Variants in RARB observed in about 807,000 individuals in gnomAD.
RARB encodes the protein HBV-activated protein.
RARB carries 17 observed loss-of-function variants against 51.9 expected under a neutral mutation model. The observed-to-expected ratio is 0.33, with a 90% CI of 0.22 to 0.49. The LOEUF is 0.49. Ranked by LOEUF, RARB falls within the 20% of genes least tolerant of loss-of-function variation. The pLI, the probability that RARB is intolerant of heterozygous loss-of-function variation, is 0.99. For synonymous variants in RARB, 215 were observed against 195.4 expected (o/e 1.10, Z -0.84); for missense variants, 369 against 550.8 (o/e 0.67, Z 3.30).
intron 2 of RARB, among the ~76,000 whole-genome samples, chr3:25,005,913 T>A (rs1479666779): frequency 6.6e-6 from 1 of 152,124 alleles, no homozygotes; most frequent in Non-Finnish European, 1.5e-5. Context: ...AGCCCCATTA[T>A]TACCTTTCTG....
rs142515438 is a variant in RARB at position 25,186,723 on chromosome 3, TAGAAA to T, written c.178+12154_178+12158del. Among the ~76,000 whole-genome samples, 149 of 152,222 alleles carry T rather than the reference TAGAAA, an allele frequency of 9.8e-4. 3 individuals carry two copies. In the East Asian group the frequency reaches 0.027, roughly 27 times the overall value. On this transcript the variant is annotated intron_variant, in intron 5 of 11. Transcript: ENST00000383772. ...AGGGTGCCAACATTTTTATAAATTG[TAGAAA>T]AGAAATGATTTTTTTCCTCACCCAT...
intron 2 of RARB, among the ~76,000 whole-genome samples, chr3:25,008,314 T>C (rs532819650): frequency 1.3e-5 from 2 of 152,254 alleles, no homozygotes; most frequent in East Asian, 3.9e-4. Flanking sequence ...TTCTCTCCTA[T>C]TTACCCATTT....
intron 5 of RARB, among the ~76,000 whole-genome samples, chr3:25,274,744 G>C (rs2125413044): frequency 6.6e-6 from 1 of 152,284 alleles, no homozygotes; most frequent in South Asian, 2.1e-4. Context: ...TCTGGGACCA[G>C]CAGCTGCCTC....
At chr3:25,184,109 T>C (rs905749264) in intron 5 of RARB, among the ~76,000 whole-genome samples, 5 of 151,630 alleles carry the variant, frequency 3.3e-5, no homozygotes, top group African/African-American at 1.2e-4. Flanking sequence ...CTTAATAATA[T>C]GAAAATCTAC....
chr3:25,594,253 G>A (rs912200541), intron 6 of RARB, among the ~76,000 whole-genome samples: 3 of 152,112 alleles, frequency 2.0e-5, no homozygotes, highest in South Asian at 2.1e-4. Flanking sequence ...AATTCAGTTT[G>A]GTAGTGACAC....
At chr3:25,432,653 C>T (rs375440314) in intron 1 of RARB, among the ~76,000 whole-genome samples, 23 of 151,760 alleles carry the variant, frequency 1.5e-4, no homozygotes, top group African/African-American at 5.3e-4. Flanking sequence ...AATTTACCTT[C>T]GACATATGTT....
At chr3:25,441,278 G>T (rs1037899255) in intron 1 of RARB, 4 of 402,616 alleles carry the variant, frequency 9.9e-6, no homozygotes, top group South Asian at 2.1e-5. Context: ...CAGTAGCTGC[G>T]CTCTGGAAGC....
chr3:25,207,895 G>T (rs777989086), intron 5 of RARB, among the ~76,000 whole-genome samples: 1 of 152,166 alleles, frequency 6.6e-6, no homozygotes, highest in African/African-American at 2.4e-5. Flanking sequence ...CAGTCCTGTA[G>T]GTTGTACAAG....
chr3:25,106,458 G>GTTTTTTTTTT (rs1330251701), intron 3 of RARB, among the ~76,000 whole-genome samples: 13 of 107,854 alleles, frequency 1.2e-4, no homozygotes, highest in African/African-American at 4.7e-4. Context: ...TTTGTTTTTT[G>GTTTTTTTTTT]TTTTTTTTTG....
At chr3:25,108,889 G>A (rs573177596) in intron 3 of RARB, among the ~76,000 whole-genome samples, 16 of 152,120 alleles carry the variant, frequency 1.1e-4, no homozygotes, top group African/African-American at 2.4e-4. Context: ...ATCTCCTTAT[G>A]TAAACATTCT....
chr3:24,851,810 T>G (rs2068900), intron 1 of RARB, among the ~76,000 whole-genome samples: 2,112 of 152,324 alleles, frequency 0.014, 47 homozygotes, highest in African/African-American at 0.045. Flanking sequence ...TTTGACATGT[T>G]AAGAGAAAAT....
At chr3:25,510,073 G>A (rs1022825244) in intron 3 of RARB, among the ~76,000 whole-genome samples, 2 of 152,178 alleles carry the variant, frequency 1.3e-5, no homozygotes, top group Non-Finnish European at 2.9e-5. Context: ...TTTACTAATG[G>A]CAACAGCCCC....
intron 2 of RARB, among the ~76,000 whole-genome samples, chr3:24,880,203 T>C (rs1393086659): frequency 6.7e-6 from 1 of 149,010 alleles, no homozygotes; most frequent in Non-Finnish European, 1.5e-5. Context: ...GGCAACTGCA[T>C]TTTTTTTTTC....
At chr3:24,963,531 T>C (rs1696186149) in intron 2 of RARB, among the ~76,000 whole-genome samples, 1 of 151,142 alleles carries the variant, frequency 6.6e-6, no homozygotes, top group African/African-American at 2.4e-5. Context: ...GGCTATTATT[T>C]GCTTAATAAC....
chr3:25,184,858 C>T (rs577262818), intron 5 of RARB, among the ~76,000 whole-genome samples: 3 of 151,846 alleles, frequency 2.0e-5, no homozygotes, highest in Admixed American at 6.6e-5. Flanking sequence ...CATCTTGGCA[C>T]TCCAGCCTGG....
intron 2 of RARB, among the ~76,000 whole-genome samples, chr3:24,974,400 A>G (rs1018607095): frequency 2.6e-5 from 4 of 152,080 alleles, no homozygotes; most frequent in Admixed American, 6.6e-5. Context: ...TTCGTTTTTG[A>G]AAAGGAGCCC....
At chr3:25,429,745 G>A (rs1473923363) in intron 1 of RARB, among the ~76,000 whole-genome samples, 3 of 152,242 alleles carry the variant, frequency 2.0e-5, no homozygotes, top group African/African-American at 7.2e-5. Context: ...TAGCCTGGCT[G>A]CAGGCTTGAG....
At chr3:25,164,403 T>C (rs1700528028) in intron 4 of RARB, among the ~76,000 whole-genome samples, 1 of 152,164 alleles carries the variant, frequency 6.6e-6, no homozygotes, top group Non-Finnish European at 1.5e-5. Context: ...GGGCAACCCA[T>C]GTGTGCAGTG....
chr3:25,121,991 A>T lies in RARB; in HGVS notation c.-327-10170A>T, dbSNP rs2125329576. On this transcript the variant is annotated intron_variant, in intron 3 of 11. Transcript: ENST00000383772. ...GCTGTATTAGGGAAACCCATACCTC[A>T]TTCTGATTCAATGTGACATTCTCTT... is the stretch of plus-strand genomic sequence containing the variant. Among the ~76,000 whole-genome samples, 2 of 152,262 alleles carry T rather than the reference A, an allele frequency of 1.3e-5. 1 individual carries two copies. Among genetic ancestry groups the T allele is most frequent in the African/African-American group, 4.8e-5 (2 of 41,546 alleles).
Sources: allele counts gnomAD v4.1 joint callset (sites outside exome capture counted in the v4.1 genomes callset), GRCh38; gene constraint gnomAD v4.1.1; transcripts MANE v1.5; gene names NCBI Gene and HGNC (gene_info 2026-07-23, HGNC 2026-07-21).